Variants in PLCB4 observed in about 807,000 individuals in gnomAD.
PLCB4 encodes 1-phosphatidylinositol 4,5-bisphosphate phosphodiesterase beta-4.
A neutral mutation model predicts 178.8 loss-of-function variants in PLCB4; 77 were observed. That is an observed-to-expected ratio of 0.43 (90% CI 0.36 to 0.52). The LOEUF (loss-of-function observed/expected upper bound fraction) is 0.52. Ranked by LOEUF, PLCB4 falls within the 20% of genes least tolerant of loss-of-function variation. PLCB4 has a pLI of 0.00. For missense variants in PLCB4, 1,024 were observed against 1,453.4 expected, an observed-to-expected ratio of 0.70 and a Z score of 4.80; for synonymous variants, 496 against 490.8, an observed-to-expected ratio of 1.01 and a Z score of -0.14.
intron 3 of PLCB4, among the ~76,000 whole-genome samples, chr20:9,250,244 G>A (rs1003033035): frequency 5.3e-5 from 8 of 152,148 alleles, no homozygotes; most frequent in Non-Finnish European, 8.8e-5. Flanking sequence ...TGAAAGTGAC[G>A]GACACACTCT....
chr20:9,371,376 A>G lies in PLCB4; in HGVS notation c.585+81A>G, dbSNP rs960793999. 2.6e-5 allele frequency: 19 copies of G among 718,390 alleles called. No homozygotes were observed. In the East Asian group the frequency reaches 4.1e-4, roughly 16 times the overall value. 44.5% of individuals were successfully genotyped at this position (718,390 alleles called of 1,614,324 possible). ...ATATGTAATGAGCTAGATTATTTAT[A>G]TTAAACTGATCTAAATTAGATTTGG... On this transcript the variant is annotated intron_variant, in intron 10 of 39. Coordinates refer to ENST00000378473, the MANE Select transcript of PLCB4 (RefSeq NM_001377142.1).
chr20:9,144,763 GGAGGGGAAT>G (rs1316853625), intron 2 of PLCB4, among the ~76,000 whole-genome samples: 2,045 of 83,822 alleles, frequency 0.024, 104 homozygotes, highest in African/African-American at 0.092. Context: ...AGGAGGGGAA[GGAGGGGAAT>G]GAGGGGGAGG....
At chr20:9,175,296 A>G (rs2093135882) in intron 2 of PLCB4, among the ~76,000 whole-genome samples, 1 of 152,110 alleles carries the variant, frequency 6.6e-6, no homozygotes, top group South Asian at 2.1e-4. Context: ...GAGAAGGGTG[A>G]ACCCTTCTAG....
chr20:9,260,969 T>C (rs1569033885), intron 3 of PLCB4, among the ~76,000 whole-genome samples: 1 of 152,166 alleles, frequency 6.6e-6, no homozygotes, highest in Non-Finnish European at 1.5e-5. Flanking sequence ...CCATTATTTT[T>C]CTTCTCTCCC....
intron 2 of PLCB4, among the ~76,000 whole-genome samples, chr20:9,125,483 T>A (rs1393089254): frequency 6.6e-6 from 1 of 152,194 alleles, no homozygotes; most frequent in Non-Finnish European, 1.5e-5. Context: ...AAATAGTGTG[T>A]TATTTTTCCA....
In PLCB4 at chr20:9,479,001, G is replaced by A. The variant is rs1042164114; in HGVS notation, c.3613G>A (p.Ala1205Thr). Residue 1205 changes from alanine to threonine, a missense_variant, in exon 40 of 40, where the codon GCA becomes ACA. Physicochemically the swap from Ala to Thr is moderately conservative, Grantham distance 58. Transcript: ENST00000378473. ...TSNSSMKLQN[A>T]N ...CAACAGTAGTATGAAACTCCAAAATGCAAACTGAAGCAGCAAACCCACAAA... is the reference window on the plus strand; with the variant it reads ...CAACAGTAGTATGAAACTCCAAAATACAAACTGAAGCAGCAAACCCACAAA... 2 of 1,611,110 alleles carry A rather than the reference G, an allele frequency of 1.2e-6. No homozygotes were observed. The highest frequency in any genetic ancestry group is 2.7e-5 in the African/African-American group (2 of 74,968).
At chr20:9,317,486 C>G (rs917489473) in intron 4 of PLCB4, among the ~76,000 whole-genome samples, 1 of 152,100 alleles carries the variant, frequency 6.6e-6, no homozygotes. Context: ...TAGAAGATAA[C>G]TCTATTTCCT....
At chr20:9,350,155 T>TA (rs910387525) in intron 7 of PLCB4, among the ~76,000 whole-genome samples, 34 of 149,870 alleles carry the variant, frequency 2.3e-4, no homozygotes, top group South Asian at 6.4e-4. Context: ...AAAATAAATT[T>TA]AAAAAAAAAA....
At chr20:9,153,605 C>G (rs992102564) in intron 2 of PLCB4, among the ~76,000 whole-genome samples, 5 of 152,124 alleles carry the variant, frequency 3.3e-5, no homozygotes, top group African/African-American at 7.2e-5. Context: ...TCGGATATGT[C>G]TTTATCATCA....
intron 2 of PLCB4, among the ~76,000 whole-genome samples, chr20:9,114,157 T>G (rs912292169): frequency 3.9e-5 from 6 of 152,138 alleles, no homozygotes; most frequent in Non-Finnish European, 7.4e-5. Context: ...GAGGTTGTAG[T>G]GAGCTGAGAT....
At position 9,201,347 on chromosome 20, in the gene PLCB4, AATG is replaced by A. The variant is rs949714368; in HGVS notation, c.-78-16042_-78-16040del. 4.1e-4 allele frequency among the ~76,000 whole-genome samples: 62 copies of A among 152,190 alleles called. 2 individuals are homozygous for A. The highest frequency in any genetic ancestry group is 1.5e-5 in the Non-Finnish European group (1 of 68,028). ...ATATGCATGTGTTTGCATTATCAAT[AATG>A]TAGGATTTTTATACTCATAAAAGTT... On this transcript the variant is annotated intron_variant, in intron 2 of 39. Coordinates refer to ENST00000378473, the MANE Select transcript of PLCB4 (RefSeq NM_001377142.1).
chr20:9,394,746 A>G (rs950900114), intron 18 of PLCB4, among the ~76,000 whole-genome samples: 1 of 152,118 alleles, frequency 6.6e-6, no homozygotes, highest in African/African-American at 2.4e-5. Context: ...CAAAACGTAT[A>G]TATATTTTAT....
intron 7 of PLCB4, among the ~76,000 whole-genome samples, chr20:9,351,161 G>T (rs1356392625): frequency 1.3e-5 from 2 of 150,792 alleles, no homozygotes; most frequent in African/African-American, 4.9e-5. Context: ...TTTTGGAGGA[G>T]CTGGGTCTCA....
chr20:9,367,099 A>G (rs575842646), intron 9 of PLCB4, among the ~76,000 whole-genome samples: 56 of 152,254 alleles, frequency 3.7e-4, no homozygotes, highest in Middle Eastern at 3.4e-3. Context: ...CTGTGAGACT[A>G]TCTCCATACT....
In PLCB4 at chr20:9,373,183, C is replaced by T. The variant is rs2036394442; in HGVS notation, c.744+79C>T. 3 of 686,742 alleles carry T rather than the reference C, an allele frequency of 4.4e-6. No homozygotes were observed. The South Asian group carries it at 5.1e-5, about 12-fold the overall frequency. The allele number at this position is 686,742 out of a possible 1,614,324, so 42.5% of individuals were successfully genotyped here. On this transcript the variant is annotated intron_variant, in intron 12 of 39. Transcript: ENST00000378473. ...CTCTGGTGTCCTCATTGCATGCCTG[C>T]ATCATATGCCCTTATTCGCTTTGCT...
intron 2 of PLCB4, among the ~76,000 whole-genome samples, chr20:9,141,291 T>C (rs1166652440): frequency 6.6e-6 from 1 of 152,150 alleles, no homozygotes; most frequent in African/African-American, 2.4e-5. Flanking sequence ...AAAAGATTGG[T>C]TAGATTACAG....
At chr20:9,450,506 T>C (rs879832766) in intron 32 of PLCB4, among the ~76,000 whole-genome samples, 1 of 152,208 alleles carries the variant, frequency 6.6e-6, no homozygotes, top group African/African-American at 2.4e-5. Flanking sequence ...CCAGCTTTCC[T>C]GTTACTGACA....
chr20:9,362,902 G>A lies in PLCB4; in HGVS notation c.376G>A (p.Val126Ile). ...AENPEVTKQW[V>I]EGLRSIIHNF... ...TTTTTTCTTTCTCTTTCAGCAATGG[G>A]TAGAAGGCCTGAGATCAATCATACA... The change falls in exon 8 of 40, where the codon GTA becomes ATA. Residue 126 changes from valine to isoleucine, a missense_variant. Coordinates refer to ENST00000378473, the MANE Select transcript of PLCB4 (RefSeq NM_001377142.1). 1 of 1,610,716 alleles carries A rather than the reference G, an allele frequency of 6.2e-7. No homozygotes were observed. The highest frequency in any genetic ancestry group is 8.5e-7 in the Non-Finnish European group (1 of 1,177,080).
chr20:9,117,462 G>A (rs1480622733), intron 2 of PLCB4, among the ~76,000 whole-genome samples: 1 of 152,170 alleles, frequency 6.6e-6, no homozygotes, highest in Non-Finnish European at 1.5e-5. Context: ...AATGCTGTGA[G>A]TCTTCTGACT....
Sources: gnomAD v4.1 joint callset for allele counts (sites outside exome capture counted in the v4.1 genomes callset) on GRCh38, gnomAD v4.1.1 for gene constraint, MANE v1.5 for transcripts, NCBI Gene and HGNC (gene_info 2026-07-23, HGNC 2026-07-21) for gene names.